The following PID1 variants were observed in gnomAD, a reference collection of about 807,000 sequenced individuals.
The protein encoded by PID1 is phosphotyrosine interaction domain containing 1.
In PID1, 10 loss-of-function variants were observed where a neutral mutation model predicts 19.1. The ratio of observed to expected loss-of-function variants is 0.52; its 90% CI spans 0.32 to 0.89. The LOEUF (loss-of-function observed/expected upper bound fraction) is 0.89, where lower values mean the gene tolerates loss of function less well. Among genes scored for constraint, PID1 ranks in the 40% least tolerant of loss-of-function variants. PID1 has a pLI of 0.03. For synonymous variants in PID1, 130 were observed against 116.0 expected (o/e 1.12, Z -0.78); for missense variants, 248 against 285.3 (o/e 0.87, Z 0.94).
rs1175329685 is a variant in PID1, at chr2:229,025,690, A to T, written c.596T>A (p.Ile199Asn). 2 of 1,613,840 alleles carry T rather than the reference A, an allele frequency of 1.2e-6. No individual in the cohort carries two copies. The highest frequency in any genetic ancestry group is 1.7e-5 in the Admixed American group (1 of 59,980). Residue 199 changes from isoleucine (I) to asparagine (N), a missense_variant, in exon 3 of 3, where the codon ATC becomes AAC. Transcript: ENST00000392055. ...TFHSMKSDGR[I>N]HSNSSSEEVS... ...CTCTTCGGAGGAGCTGTTGCTGTGG[A>T]TCCGCCCGTCGCTCTTCATACTGTG...
chr2:229,052,548 C>CT lies in PID1; in HGVS notation c.178-26441dup, dbSNP rs11287338. 1.6e-3 allele frequency among the ~76,000 whole-genome samples: 246 copies of CT among 150,530 alleles called. 1 individual carries two copies. The highest frequency in any genetic ancestry group is 4.6e-3 in the African/African-American group (190 of 41,072). On this transcript the variant is annotated intron_variant, in intron 2 of 2. Transcript: ENST00000392055. ...TTTTGATGGGACTTGGCTTAGAGAG[C>CT]TTTTTTTTTTCAACAAATGGGGATC...
chr2:229,027,874 T>C (rs759068242), intron 2 of PID1, among the ~76,000 whole-genome samples: 2 of 152,030 alleles, frequency 1.3e-5, no homozygotes, highest in African/African-American at 4.8e-5. Flanking sequence ...CCACATGTGG[T>C]CTGAGGAATC....
intron 2 of PID1, among the ~76,000 whole-genome samples, chr2:229,075,472 A>T (rs1295275160): frequency 6.6e-6 from 1 of 152,064 alleles, no homozygotes; most frequent in Non-Finnish European, 1.5e-5. Flanking sequence ...ATAGAAAAAA[A>T]CAAGACAAAC....
intron 1 of PID1, 76 bp from the exon 2 acceptor site, chr2:229,156,040 A>G: frequency 7.4e-7 from 1 of 1,359,144 alleles, no homozygotes; most frequent in Non-Finnish European, 1.0e-6. Flanking sequence ...CATTAAACCC[A>G]GTAGCAACTT....
At chr2:229,154,240 G>A (rs1216662180) in intron 2 of PID1, among the ~76,000 whole-genome samples, 1 of 151,400 alleles carries the variant, frequency 6.6e-6, no homozygotes, top group Non-Finnish European at 1.5e-5. Flanking sequence ...TAAACTTCTC[G>A]CCATGACCAC....
At chr2:229,131,521 A>G (rs1689740179) in intron 2 of PID1, among the ~76,000 whole-genome samples, 1 of 152,186 alleles carries the variant, frequency 6.6e-6, no homozygotes, top group African/African-American at 2.4e-5. Context: ...GTGAGCCACC[A>G]TGGCCAGCCA....
At chr2:229,066,766 G>A (rs999912763) in intron 2 of PID1, among the ~76,000 whole-genome samples, 5 of 151,610 alleles carry the variant, frequency 3.3e-5, no homozygotes, top group Admixed American at 6.6e-5. Context: ...CCTCCATTAA[G>A]AAATCAAATG....
chr2:229,156,018 C>A (rs1391839611), intron 1 of PID1, 54 bp from the exon 2 acceptor site: 5 of 1,545,050 alleles, frequency 3.2e-6, no homozygotes, highest in Non-Finnish European at 4.4e-6. Flanking sequence ...ACTTTTATGT[C>A]CTGCAATTGT....
Position 229,025,484 on chromosome 2 carries a change from A to G in PID1, c.*148T>C. The G allele has an allele frequency of 1.5e-6, 1 of 661,474 alleles. No individual in the cohort carries two copies. Among genetic ancestry groups the G allele is most frequent in the South Asian group, 1.8e-5 (1 of 54,212 alleles). 41.0% of individuals were successfully genotyped at this position (661,474 alleles called of 1,614,324 possible). ...AATTACTTTAATGATACATTTCTTTAGATTTAGAATTGCTCTTCTGAATTT... is the reference window on the plus strand; with the variant it reads ...AATTACTTTAATGATACATTTCTTTGGATTTAGAATTGCTCTTCTGAATTT... On this transcript the variant is annotated 3_prime_UTR_variant, in exon 3 of 3. Coordinates refer to ENST00000392055, the MANE Select transcript of PID1 (RefSeq NM_001100818.2).
At chr2:229,040,772 A>T (rs898467546) in intron 2 of PID1, among the ~76,000 whole-genome samples, 6 of 152,260 alleles carry the variant, frequency 3.9e-5, no homozygotes, top group African/African-American at 1.2e-4. Flanking sequence ...ACTATAAACC[A>T]TCATTGTACT....
At chr2:229,176,712 T>C (rs1444254969) in intron 1 of PID1, among the ~76,000 whole-genome samples, 1 of 152,186 alleles carries the variant, frequency 6.6e-6, no homozygotes, top group Admixed American at 6.5e-5. Flanking sequence ...ACAGACATCA[T>C]CATATGCTTT....
At chr2:229,153,188 A>G (rs539851387) in intron 2 of PID1, among the ~76,000 whole-genome samples, 1 of 152,366 alleles carries the variant, frequency 6.6e-6, no homozygotes, top group South Asian at 2.1e-4. Context: ...CACAAAAGTG[A>G]CACTGTCTTT....
intron 1 of PID1, among the ~76,000 whole-genome samples, chr2:229,190,325 T>C (rs1230486554): frequency 2.6e-5 from 4 of 152,302 alleles, no homozygotes; most frequent in African/African-American, 9.6e-5. Flanking sequence ...ATGCAAATGA[T>C]AGAGTTGAAC....
intron 2 of PID1, among the ~76,000 whole-genome samples, chr2:229,033,721 A>C (rs1401457603): frequency 6.6e-6 from 1 of 152,240 alleles, no homozygotes; most frequent in Non-Finnish European, 1.5e-5. Flanking sequence ...CATTGTCTGT[A>C]GGACATACAA....
intron 2 of PID1, among the ~76,000 whole-genome samples, chr2:229,122,919 G>A (rs1695550694): frequency 6.6e-6 from 1 of 152,088 alleles, no homozygotes; most frequent in Non-Finnish European, 1.5e-5. Flanking sequence ...ATAAACTACT[G>A]AGCTAGCAAA....
chr2:229,024,956 G>GGGTC lies in PID1; in HGVS notation c.*672_*675dup. On this transcript the variant is annotated 3_prime_UTR_variant, in exon 3 of 3. Transcript: ENST00000392055. ...CAGGGCAGCAGGAGGGAAAGGGAAG[G>GGGTC]GGTCATTAGTAATTGCAAGTATTCT... is the stretch of plus-strand genomic sequence containing the variant. The GGGTC allele has an allele frequency of 6.5e-6, 1 of 152,676 alleles. No homozygotes were observed. The highest frequency in any genetic ancestry group is 1.9e-4 in the East Asian group (1 of 5,196). 9.5% of individuals were successfully genotyped at this position (152,676 alleles called of 1,614,324 possible). A position where few individuals can be genotyped will look rare whatever the true frequency, so the allele number is the denominator to read the frequency against.
At chr2:229,250,396 A>G (rs1412701646) in intron 1 of PID1, among the ~76,000 whole-genome samples, 4 of 152,228 alleles carry the variant, frequency 2.6e-5, no homozygotes, top group Non-Finnish European at 5.9e-5. Flanking sequence ...ATCTGATACC[A>G]TATCAGACCC....
At chr2:229,060,559 C>T (rs754156555) in intron 2 of PID1, among the ~76,000 whole-genome samples, 32 of 152,030 alleles carry the variant, frequency 2.1e-4, no homozygotes, top group Non-Finnish European at 4.4e-4. Context: ...TTGGCTATTG[C>T]GAATAATGCT....
intron 2 of PID1, among the ~76,000 whole-genome samples, chr2:229,107,021 G>C (rs1322164185): frequency 6.6e-6 from 1 of 151,558 alleles, no homozygotes; most frequent in Non-Finnish European, 1.5e-5. Context: ...CCTTATAAGA[G>C]ACAGGAGAGA....
Sources: allele counts gnomAD v4.1 joint callset (sites outside exome capture counted in the v4.1 genomes callset), GRCh38; gene constraint gnomAD v4.1.1; transcripts MANE v1.5; gene names NCBI Gene and HGNC (gene_info 2026-07-23, HGNC 2026-07-21).